Variants in IKZF2 observed in about 807,000 individuals in gnomAD.
The protein encoded by IKZF2 is zinc finger protein Helios.
In IKZF2, 15 loss-of-function variants were observed where a neutral mutation model predicts 49.2. That is an observed-to-expected ratio of 0.30 (90% CI 0.20 to 0.47). The LOEUF (loss-of-function observed/expected upper bound fraction) is 0.47. Ranked by LOEUF, IKZF2 falls within the 20% of genes least tolerant of loss-of-function variation. The pLI is 1.00. For synonymous variants in IKZF2, 227 were observed against 221.4 expected (o/e 1.03, Z -0.23); for missense variants, 567 against 664.6 (o/e 0.85, Z 1.61).
At chr2:213,123,656 T>C (rs892897201) in intron 4 of IKZF2, among the ~76,000 whole-genome samples, 3 of 152,098 alleles carry the variant, frequency 2.0e-5, no homozygotes, top group Non-Finnish European at 4.4e-5. Flanking sequence ...AACAATAAGA[T>C]ACAAGTTATT....
At chr2:213,113,754 A>C (rs2059787852) in intron 4 of IKZF2, among the ~76,000 whole-genome samples, 1 of 152,140 alleles carries the variant, frequency 6.6e-6, no homozygotes, top group Non-Finnish European at 1.5e-5. Context: ...GTTTTAGGGA[A>C]GGAGTGGAGA....
At chr2:213,120,687 T>C (rs1042048234) in intron 4 of IKZF2, among the ~76,000 whole-genome samples, 3 of 152,244 alleles carry the variant, frequency 2.0e-5, no homozygotes, top group Admixed American at 1.3e-4. Context: ...TCTATAACTC[T>C]AACTGGAAGG....
At chr2:213,141,273 A>T (rs1216467765) in intron 4 of IKZF2, among the ~76,000 whole-genome samples, 1 of 151,986 alleles carries the variant, frequency 6.6e-6, no homozygotes, top group African/African-American at 2.4e-5. Context: ...CAGCCTGTTA[A>T]ATATGCACCT....
In IKZF2 at chr2:213,129,867, T is replaced by C. The variant is rs1411908646; in HGVS notation, c.139+17841A>G. On this transcript the variant is annotated intron_variant, in intron 4 of 8. Transcript: ENST00000434687. ...TGTATTTTAGAAGCAGAGCCAAGGA[T>C]TTCTGATAGACTGGATGTGGGATTT... is the stretch of plus-strand genomic sequence containing the variant. Among the ~76,000 whole-genome samples, 5 of 152,190 alleles carry C rather than the reference T, an allele frequency of 3.3e-5. No individual in the cohort carries two copies. In the South Asian group the frequency reaches 1.0e-3, roughly 31 times the overall value.
intron 3 of IKZF2, 46 bp from the exon 4 acceptor site, chr2:213,147,858 T>A: frequency 1.4e-6 from 2 of 1,403,846 alleles, no homozygotes; most frequent in Middle Eastern, 1.8e-4. Flanking sequence ...CATTGTCACA[T>A]AAGATGTAAT....
intron 4 of IKZF2, among the ~76,000 whole-genome samples, chr2:213,100,571 GC>G (rs1394887863): frequency 6.6e-6 from 1 of 151,934 alleles, no homozygotes; most frequent in Non-Finnish European, 1.5e-5. Flanking sequence ...ATTTAATACA[GC>G]CACTGAATTC....
chr2:213,086,483 G>A (rs1704611940), intron 4 of IKZF2, among the ~76,000 whole-genome samples: 1 of 152,184 alleles, frequency 6.6e-6, no homozygotes, highest in African/African-American at 2.4e-5. Context: ...GTGTGTGGCT[G>A]AAGGGAAGCA....
At chr2:213,084,326 A>G (rs1687918385) in intron 4 of IKZF2, among the ~76,000 whole-genome samples, 1 of 152,188 alleles carries the variant, frequency 6.6e-6, no homozygotes, top group South Asian at 2.1e-4. Context: ...ACTGTATGAA[A>G]GTACCTCACA....
chr2:213,080,455 G>A (rs1307294272), intron 4 of IKZF2, among the ~76,000 whole-genome samples: 4 of 152,060 alleles, frequency 2.6e-5, no homozygotes, highest in Non-Finnish European at 4.4e-5. Context: ...ATCAATGAAT[G>A]GGGGAGCAAC....
chr2:213,104,278 A>T (rs2059447980), intron 4 of IKZF2, among the ~76,000 whole-genome samples: 1 of 150,734 alleles, frequency 6.6e-6, no homozygotes, highest in Non-Finnish European at 1.5e-5. Flanking sequence ...AAAAAAAAAG[A>T]AAAAGAAAAA....
At chr2:213,124,962 T>C (rs1193564402) in intron 4 of IKZF2, among the ~76,000 whole-genome samples, 1 of 152,240 alleles carries the variant, frequency 6.6e-6, no homozygotes, top group South Asian at 2.1e-4. Context: ...TTCTGTATTC[T>C]TTGTTTGCTA....
At chr2:213,079,447 G>GGGA (rs1353132467) in intron 4 of IKZF2, among the ~76,000 whole-genome samples, 108 of 53,414 alleles carry the variant, frequency 2.0e-3, no homozygotes, top group African/African-American at 9.2e-3. Flanking sequence ...AAAGGAGGGA[G>GGGA]GGAGGGTGGA....
chr2:213,107,684 TA>T (rs2059577999), intron 4 of IKZF2, among the ~76,000 whole-genome samples: 1 of 152,186 alleles, frequency 6.6e-6, no homozygotes, highest in African/African-American at 2.4e-5. Context: ...AAAATTTAGA[TA>T]ATTTATCTCA....
At chr2:213,147,094 A>C (rs2061101593) in intron 4 of IKZF2, among the ~76,000 whole-genome samples, 1 of 152,174 alleles carries the variant, frequency 6.6e-6, no homozygotes, top group Non-Finnish European at 1.5e-5. Context: ...ATGACCCTTT[A>C]TCAAAAACAG....
chr2:213,022,501 T>C (rs1238981050), intron 6 of IKZF2, among the ~76,000 whole-genome samples: 1 of 151,908 alleles, frequency 6.6e-6, no homozygotes, highest in South Asian at 2.1e-4. Context: ...GTTGTGGTTT[T>C]TTTTTGTTTG....
chr2:213,130,441 C>G (rs1003295074), intron 4 of IKZF2, among the ~76,000 whole-genome samples: 1 of 152,088 alleles, frequency 6.6e-6, no homozygotes, highest in Admixed American at 6.6e-5. Flanking sequence ...CCAAAATATC[C>G]GTAAACTTCA....
At chr2:213,151,804 G>A (rs993049184), upstream of IKZF2, among the ~76,000 whole-genome samples, 3 of 147,994 alleles carry the variant, frequency 2.0e-5, no homozygotes, top group Non-Finnish European at 4.5e-5. Flanking sequence ...GTGCGCGCGC[G>A]TGCGTGTGTG....
chr2:213,099,503 C>T (rs1352765830), intron 4 of IKZF2, among the ~76,000 whole-genome samples: 4 of 152,098 alleles, frequency 2.6e-5, no homozygotes, highest in African/African-American at 9.7e-5. Context: ...GTGATGAAGC[C>T]TCATCTTACT....
chr2:213,086,060 A>G (rs1237427905), intron 4 of IKZF2, among the ~76,000 whole-genome samples: 1 of 152,202 alleles, frequency 6.6e-6, no homozygotes, highest in African/African-American at 2.4e-5. Context: ...AACTTCACCA[A>G]ATTAAAGAAA....
Sources: gnomAD v4.1 joint callset for allele counts (sites outside exome capture counted in the v4.1 genomes callset) on GRCh38, gnomAD v4.1.1 for gene constraint, MANE v1.5 for transcripts, NCBI Gene and HGNC (gene_info 2026-07-23, HGNC 2026-07-21) for gene names.